WDR27: variants seen among roughly 807,000 people sequenced by gnomAD.
The protein encoded by WDR27 is WD repeat domain 27.
A neutral mutation model predicts 114.4 loss-of-function variants in WDR27; 100 were observed. That is an observed-to-expected ratio of 0.87 (90% CI 0.74 to 1.03). The LOEUF (loss-of-function observed/expected upper bound fraction) is 1.03. Ranked by LOEUF, WDR27 falls within the 50% of genes least tolerant of loss-of-function variation. The pLI is 0.00. For missense variants in WDR27, 1,129 were observed against 1,092.9 expected (o/e 1.03, Z -0.47); for synonymous variants, 449 against 423.1 (o/e 1.06, Z -0.75).
intron 25 of WDR27, among the ~76,000 whole-genome samples, chr6:169,520,424 T>A (rs1365967355): frequency 6.6e-6 from 1 of 151,966 alleles, no homozygotes; most frequent in Non-Finnish European, 1.5e-5. Context: ...ACATATCTGA[T>A]AAAAAATCAA....
At chr6:169,459,543 A>T (rs1340985976) in intron 25 of WDR27, among the ~76,000 whole-genome samples, 1 of 151,664 alleles carries the variant, frequency 6.6e-6, no homozygotes, top group Non-Finnish European at 1.5e-5. Context: ...GTATATATAT[A>T]CATTTATATA....
At chr6:169,443,207 G>A in the WDR27 span, among the ~76,000 whole-genome samples, 1 of 152,154 alleles carries the variant, frequency 6.6e-6, no homozygotes, top group African/African-American at 2.4e-5. Context: ...GTCAGCCACA[G>A]AATGGATGCG....
chr6:169,534,788 G>C (rs571510781), intron 25 of WDR27, among the ~76,000 whole-genome samples: 2 of 147,774 alleles, frequency 1.4e-5, no homozygotes, highest in African/African-American at 2.5e-5. Flanking sequence ...TTTTTTTCTT[G>C]GTCAGCTCTA....
chr6:169,574,428 T>C (rs892927782), intron 24 of WDR27, among the ~76,000 whole-genome samples: 7 of 121,270 alleles, frequency 5.8e-5, no homozygotes, highest in African/African-American at 1.8e-4. Flanking sequence ...TTCTCACAAT[T>C]AAAATGTATT....
intron 25 of WDR27, among the ~76,000 whole-genome samples, chr6:169,479,087 G>C (rs963318543): frequency 4.6e-5 from 7 of 152,130 alleles, no homozygotes; most frequent in African/African-American, 1.7e-4. Flanking sequence ...AATAGCTTCT[G>C]TACAGCAAAA....
At chr6:169,550,659 G>GA (rs1420179059) in intron 25 of WDR27, among the ~76,000 whole-genome samples, 1 of 151,944 alleles carries the variant, frequency 6.6e-6, no homozygotes, top group Non-Finnish European at 1.5e-5. Context: ...AACCTCAAGT[G>GA]ATCCACTCGC....
chr6:169,670,615 A>T lies in WDR27; in HGVS notation c.410T>A (p.Val137Asp). 1 of 1,614,002 alleles carries T rather than the reference A, an allele frequency of 6.2e-7. No individual in the cohort carries two copies. Among genetic ancestry groups the T allele is most frequent in the Non-Finnish European group, 8.5e-7 (1 of 1,179,892 alleles). Residue 137 changes from valine (V) to aspartate (D), a missense_variant, in exon 4 of 26, where the codon GTT (valine) becomes GAT (aspartate). Coordinates refer to ENST00000448612, the MANE Select transcript of WDR27 (RefSeq NM_182552.5). ...TTTGTTTCCAGCACACACGGCAACA[A>T]CATGATCATCCAGGCTCAACTGTAA... is the stretch of plus-strand genomic sequence containing the variant. ...LCLQLSLDDH[V>D]VAVCAGNKIF...
chr6:169,666,603 G>A (rs1172190704), intron 6 of WDR27: 14 of 985,448 alleles, frequency 1.4e-5, no homozygotes, highest in African/African-American at 3.5e-5. Flanking sequence ...CTCCGCGGAC[G>A]GACGCCTGCA....
chr6:169,655,346 G>A (rs540519301), intron 13 of WDR27, among the ~76,000 whole-genome samples: 1 of 152,370 alleles, frequency 6.6e-6, no homozygotes, highest in African/African-American at 2.4e-5. Flanking sequence ...CCGCACAGAA[G>A]ATCAGGGCAG....
intron 16 of WDR27, among the ~76,000 whole-genome samples, chr6:169,644,599 C>A (rs112642547): frequency 1.8e-5 from 2 of 112,122 alleles, no homozygotes; most frequent in African/African-American, 3.3e-5. Flanking sequence ...CTGTGGAAAA[C>A]CCTAGTTCAC....
Position 169,602,279 on chromosome 6 carries a change from T to A in WDR27, c.2364A>T (p.Pro788=). 1 of 1,567,268 alleles carries A rather than the reference T, an allele frequency of 6.4e-7. No individual in the cohort carries two copies. The highest frequency in any genetic ancestry group is 8.7e-7 in the Non-Finnish European group (1 of 1,154,708). The change falls in exon 23 of 26, where the codon CCA becomes CCT. Residue 788 remains proline, a synonymous_variant. Coordinates refer to ENST00000448612, the MANE Select transcript of WDR27 (RefSeq NM_182552.5). ...CACAAGGACTGAAAGCGATTCCACA[T>A]GGATAGCCGCGGGTTGGATGCCCTT... ...HFEGHPTRGY[P]CGIAFSPCGR...
At chr6:169,586,890 A>ACT (rs1720845921) in intron 23 of WDR27, among the ~76,000 whole-genome samples, 1 of 140,074 alleles carries the variant, frequency 7.1e-6, no homozygotes, top group African/African-American at 2.6e-5. Flanking sequence ...TCGCTTCCTG[A>ACT]CTTCAGGGAC....
At chr6:169,632,143 G>C (rs1816560582) in intron 21 of WDR27, among the ~76,000 whole-genome samples, 1 of 149,092 alleles carries the variant, frequency 6.7e-6, no homozygotes, top group South Asian at 2.1e-4. Flanking sequence ...AGCCGAGATA[G>C]TGCCACTGCA....
chr6:169,515,260 G>A (rs532647282), intron 25 of WDR27, among the ~76,000 whole-genome samples: 8 of 152,000 alleles, frequency 5.3e-5, no homozygotes, highest in Admixed American at 3.3e-4. Flanking sequence ...AAGGAGACCC[G>A]GGGCAGTCTT....
intron 2 of WDR27, among the ~76,000 whole-genome samples, chr6:169,673,375 A>C (rs1392456016): frequency 6.6e-6 from 1 of 152,130 alleles, no homozygotes; most frequent in Non-Finnish European, 1.5e-5. Flanking sequence ...CCTACTGATG[A>C]GAATTACAAG....
chr6:169,629,088 G>A (rs1229775748), intron 21 of WDR27, among the ~76,000 whole-genome samples: 2 of 152,074 alleles, frequency 1.3e-5, no homozygotes, highest in Non-Finnish European at 2.9e-5. Context: ...GAGAGGAAAG[G>A]AAATAAAATT....
intron 9 of WDR27, among the ~76,000 whole-genome samples, chr6:169,661,153 C>G (rs941932167): frequency 9.2e-5 from 14 of 152,242 alleles, no homozygotes; most frequent in Admixed American, 1.3e-4. Context: ...GTGGTGATCC[C>G]CTGGGCACCT....
At position 169,659,691 on chromosome 6, in the gene WDR27, GCCACACACACACCAGCGCACACA is replaced by G. The variant is rs1314886674; in HGVS notation, c.1130-196_1130-174del. On this transcript the variant is annotated intron_variant, in intron 10 of 25. Transcript: ENST00000448612. This position sits in a 1 kb window ranked among gnomAD's most constrained non-coding sequence, Gnocchi z 4.3. ...CATCCTCACACATACAAGGCCCCAG[GCCACACACACACCAGCGCACACA>G]CCACACACACACCAGGCCCTGAGCG... Among the ~76,000 whole-genome samples, 10 of 151,676 alleles carry G rather than the reference GCCACACACACACCAGCGCACACA, an allele frequency of 6.6e-5. No individual in the cohort carries two copies. The highest frequency in any genetic ancestry group is 1.5e-4 in the Non-Finnish European group (10 of 67,932).
At chr6:169,632,686 T>C (rs1042331883) in intron 21 of WDR27, among the ~76,000 whole-genome samples, 3 of 152,224 alleles carry the variant, frequency 2.0e-5, no homozygotes, top group African/African-American at 7.2e-5. Flanking sequence ...TCAAGTTTTA[T>C]GTAAGAATGT....
Sources: allele counts gnomAD v4.1 joint callset (sites outside exome capture counted in the v4.1 genomes callset), GRCh38; gene constraint gnomAD v4.1.1; non-coding constraint Gnocchi (gnomAD v3.1); transcripts MANE v1.5; gene names NCBI Gene and HGNC (gene_info 2026-07-23, HGNC 2026-07-21).